Variants in CPNE4 observed in about 807,000 individuals in gnomAD.
CPNE4 encodes copine 4.
Under a neutral mutation model 67.9 loss-of-function variants are expected in CPNE4, and 25 were observed. That is an observed-to-expected ratio of 0.37 (90% CI 0.27 to 0.51). The LOEUF (loss-of-function observed/expected upper bound fraction) is 0.51. Ranked by LOEUF, CPNE4 falls within the 20% of genes least tolerant of loss-of-function variation. The probability of loss-of-function intolerance (pLI) is 0.93; values close to 1 mark genes in which losing one functional copy is unlikely to be tolerated. For missense variants in CPNE4, 464 were observed against 690.8 expected (o/e 0.67, Z 3.68); for synonymous variants, 242 against 244.9 (o/e 0.99, Z 0.11).
rs112991943 is a variant in CPNE4, at chr3:131,972,001, A to T, written c.-2+62566T>A. 2.8e-3 allele frequency among the ~76,000 whole-genome samples: 432 copies of T among 152,322 alleles called. 4 individuals carry two copies. The highest frequency in any genetic ancestry group is 9.8e-3 in the African/African-American group (406 of 41,562). ...GAATGTTTACAGAAAGAACTGTTGG[A>T]TGAGTGGGTAAATGAGAGAATGGCA... On this transcript the variant is annotated intron_variant, in intron 1 of 15. Transcript: ENST00000429747.
chr3:131,847,532 G>A (rs774222981), intron 2 of CPNE4, among the ~76,000 whole-genome samples: 5 of 152,132 alleles, frequency 3.3e-5, no homozygotes, highest in African/African-American at 7.2e-5. Flanking sequence ...AATGGGGGTC[G>A]ATAGGTAGTG....
intron 2 of CPNE4, among the ~76,000 whole-genome samples, chr3:131,866,088 T>C (rs966065114): frequency 3.3e-5 from 5 of 152,244 alleles, no homozygotes; most frequent in East Asian, 1.9e-4. Flanking sequence ...CAGCTGAAGA[T>C]TGTCTGCTGA....
intron 7 of CPNE4, among the ~76,000 whole-genome samples, chr3:131,642,666 T>C (rs749539245): frequency 1.6e-4 from 25 of 152,144 alleles, no homozygotes; most frequent in Non-Finnish European, 3.5e-4. Flanking sequence ...GCTGCTGTTC[T>C]CATAATAGTG....
rs543852914 is a variant in CPNE4 at position 131,556,728 on chromosome 3, A to G, written c.1062-1177T>C. Among the ~76,000 whole-genome samples the G allele has an allele frequency of 1.4e-4, 21 of 152,228 alleles. 1 individual carries two copies. The South Asian group carries it at 4.3e-3, about 32-fold the overall frequency. On this transcript the variant is annotated intron_variant, in intron 11 of 15. Transcript: ENST00000429747. Reference sequence around the variant, plus strand: ...GTGAAAACCTGAGAGAATCACTTACATATCCTTTGGTTTGAGTTATCTTAT... The same window carrying G: ...GTGAAAACCTGAGAGAATCACTTACGTATCCTTTGGTTTGAGTTATCTTAT...
At chr3:131,593,860 C>T (rs1475159255) in intron 7 of CPNE4, among the ~76,000 whole-genome samples, 4 of 152,060 alleles carry the variant, frequency 2.6e-5, no homozygotes, top group Admixed American at 1.3e-4. Flanking sequence ...TACAGGCGCA[C>T]ACCACCATGC....
intron 2 of CPNE4, among the ~76,000 whole-genome samples, chr3:131,896,782 T>C (rs907202327): frequency 6.6e-6 from 1 of 152,096 alleles, no homozygotes; most frequent in Non-Finnish European, 1.5e-5. Context: ...ATGCCTTACC[T>C]TATTTCACCA....
intron 3 of CPNE4, 102 bp downstream of exon 3, chr3:131,723,344 C>G: frequency 9.5e-7 from 1 of 1,053,386 alleles, no homozygotes; most frequent in East Asian, 2.4e-5. Flanking sequence ...AAAATACAAT[C>G]AATAGGAAAA....
intron 1 of CPNE4, among the ~76,000 whole-genome samples, chr3:131,940,116 T>G (rs773490999): frequency 2.6e-5 from 4 of 152,134 alleles, no homozygotes; most frequent in Non-Finnish European, 4.4e-5. Context: ...TATGTTCAAC[T>G]GGCAAGTGTA....
chr3:131,846,848 T>C (rs2086017772), intron 2 of CPNE4, among the ~76,000 whole-genome samples: 1 of 152,154 alleles, frequency 6.6e-6, no homozygotes, highest in South Asian at 2.1e-4. Context: ...ATGTGGCTGC[T>C]AGGGCTTCCT....
upstream of CPNE4, chr3:132,035,053 C>T (rs1253100950): frequency 1.0e-6 from 1 of 985,454 alleles, no homozygotes; most frequent in Admixed American, 6.1e-5. Flanking sequence ...GAGACTGGTT[C>T]CGAAACCTCC....
intron 7 of CPNE4, among the ~76,000 whole-genome samples, chr3:131,605,975 A>G (rs922242279): frequency 6.6e-6 from 1 of 152,150 alleles, no homozygotes; most frequent in African/African-American, 2.4e-5. Context: ...ATGACAGGTA[A>G]TCATTGTTTC....
chr3:131,857,550 C>A (rs1023607352), intron 2 of CPNE4, among the ~76,000 whole-genome samples: 4 of 151,952 alleles, frequency 2.6e-5, no homozygotes, highest in African/African-American at 9.7e-5. Flanking sequence ...TCTCCCTGAG[C>A]CTTATTTTCA....
At chr3:131,644,636 A>G (rs1408309613) in intron 7 of CPNE4, among the ~76,000 whole-genome samples, 1 of 152,242 alleles carries the variant, frequency 6.6e-6, no homozygotes, top group Non-Finnish European at 1.5e-5. Flanking sequence ...ACAAGAAGTG[A>G]AAAGATCACA....
At chr3:131,622,437 C>A (rs1488404401) in intron 7 of CPNE4, among the ~76,000 whole-genome samples, 1 of 152,134 alleles carries the variant, frequency 6.6e-6, no homozygotes, top group African/African-American at 2.4e-5. Flanking sequence ...ATTGTGAATC[C>A]TATCCTAAAG....
chr3:131,958,609 CTTTTTTTTTTTTTTTTTTT>C (rs748126986), intron 1 of CPNE4, among the ~76,000 whole-genome samples: 13 of 96,036 alleles, frequency 1.4e-4, no homozygotes, highest in East Asian at 2.7e-4. Context: ...TCTTTCTTTT[CTTTTTTTTTTTTTTTTTTT>C]TTTTTTTTTT....
chr3:131,598,775 C>A (rs1168656543), intron 7 of CPNE4, among the ~76,000 whole-genome samples: 1 of 151,884 alleles, frequency 6.6e-6, no homozygotes, highest in African/African-American at 2.4e-5. Flanking sequence ...TCTACGATGT[C>A]CAACCACATG....
At chr3:131,628,089 A>T (rs1418257444) in intron 7 of CPNE4, among the ~76,000 whole-genome samples, 1 of 152,248 alleles carries the variant, frequency 6.6e-6, no homozygotes, top group Non-Finnish European at 1.5e-5. Flanking sequence ...TTCATGAAAT[A>T]AAGAGTCAAC....
At chr3:131,685,737 C>T (rs368328272) in intron 6 of CPNE4, 138 bp downstream of exon 6, 115 of 589,600 alleles carry the variant, frequency 2.0e-4, no homozygotes, top group African/African-American at 9.2e-4. Flanking sequence ...GACGAGACTG[C>T]GCCACTGCAC....
At position 132,023,519 on chromosome 3, in the gene CPNE4, G is replaced by A. The variant is rs1258098168; in HGVS notation, c.-2+11048C>T. Among the ~76,000 whole-genome samples the A allele has an allele frequency of 2.7e-5, 3 of 112,072 alleles. No individual in the cohort carries two copies. In the South Asian group the frequency reaches 8.7e-4, roughly 33 times the overall value. The allele number at this position is 112,072 out of a possible 152,430, so 73.5% of individuals were successfully genotyped here. The stretch of plus-strand genomic sequence containing the variant: ...TTTTTTTTTTTTGAGACGGAGTCTC[G>A]CTCTGTCGCCCAGGCTGGAGTGCAG... On this transcript the variant is annotated intron_variant, in intron 1 of 15. Coordinates refer to ENST00000429747, the MANE Select transcript of CPNE4 (RefSeq NM_130808.3).
Sources: allele counts gnomAD v4.1 joint callset (sites outside exome capture counted in the v4.1 genomes callset), GRCh38; gene constraint gnomAD v4.1.1; transcripts MANE v1.5; gene names NCBI Gene and HGNC (gene_info 2026-07-23, HGNC 2026-07-21).